Variants in PPRC1 observed in about 807,000 individuals in gnomAD.
PPRC1 encodes the protein PPARG related coactivator 1, also known as peroxisome proliferator-activated receptor gamma coactivator-related protein 1.
In PPRC1, 23 loss-of-function variants were observed where a neutral mutation model predicts 132.5. The ratio of observed to expected loss-of-function variants is 0.17; its 90% CI spans 0.12 to 0.25. The LOEUF is 0.25. Among genes scored for constraint, PPRC1 ranks in the 10% least tolerant of loss-of-function variants. The probability of loss-of-function intolerance (pLI) is 1.00; values close to 1 mark genes in which losing one functional copy is unlikely to be tolerated. For missense variants in PPRC1, 2,006 were observed against 2,089.1 expected, an observed-to-expected ratio of 0.96 and a Z score of 0.78; for synonymous variants, 872 against 833.5, an observed-to-expected ratio of 1.05 and a Z score of -0.80.
At chr10:102,125,977 C>T in the PPRC1 span, among the ~76,000 whole-genome samples, 1 of 152,020 alleles carries the variant, frequency 6.6e-6, no homozygotes, top group East Asian at 1.9e-4. Flanking sequence ...ATTCTCCTGC[C>T]TCAGCCTCCC....
chr10:102,139,516 T>G lies in PPRC1; in HGVS notation c.1008T>G (p.Asp336Glu). Reference protein sequence around the residue: ...LEDELQEQPDDLTLPEGCVVL... With the variant: ...LEDELQEQPDELTLPEGCVVL... ...ATGAGCTTCAGGAGCAGCCAGATGA[T>G]TTGACACTGCCTGAGGGCTGCGTAG... Residue 336 changes from aspartate to glutamate, a missense_variant, in exon 5 of 14, where the codon GAT becomes GAG. This residue lies in a region of PPRC1 where 1,914 missense variants were observed against 1,917.2 expected (regional missense o/e 1.00). Transcript: ENST00000278070. 6.2e-7 allele frequency: 1 copy of G among 1,613,914 alleles called. No homozygotes were observed. Among genetic ancestry groups the G allele is most frequent in the Non-Finnish European group, 8.5e-7 (1 of 1,179,918 alleles).
rs376859833 is a variant in PPRC1, at chr10:102,144,348, G to A, written c.3608+41G>A. On this transcript the variant is annotated intron_variant, in intron 7 of 13. Transcript: ENST00000278070. ...TGAGCGAGTTACCCTACAGCTGTTA[G>A]TCAGCAGCCGGCTGACACTCCAGGA... 26 of 1,588,842 alleles carry A rather than the reference G, an allele frequency of 1.6e-5. No individual in the cohort carries two copies. In the African/African-American group the frequency reaches 3.5e-4, roughly 21 times the overall value.
chr10:102,128,960 C>A (rs1298952028), upstream of PPRC1, among the ~76,000 whole-genome samples: 3 of 109,584 alleles, frequency 2.7e-5, no homozygotes, highest in Non-Finnish European at 5.4e-5. Context: ...GACGGAGTCT[C>A]GCTCTGTCAC....
At chr10:102,146,025 G>A (rs1015957762) in intron 8 of PPRC1, among the ~76,000 whole-genome samples, 1 of 152,194 alleles carries the variant, frequency 6.6e-6, no homozygotes, top group Non-Finnish European at 1.5e-5. Flanking sequence ...GGAAGACAGA[G>A]CATCTTGAAT....
rs2069348181 is a variant in PPRC1, at chr10:102,148,204, C to T, written c.4401-168C>T. ...GTACACCTAAAGTTCCATGAAGGGC[C>T]TCAGTTTGTTCATCTCTGAATGAAA... is the stretch of plus-strand genomic sequence containing the variant. On this transcript the variant is annotated intron_variant, in intron 9 of 13. Coordinates refer to ENST00000278070, the MANE Select transcript of PPRC1 (RefSeq NM_015062.5). This position sits in a 1 kb window ranked among gnomAD's most constrained non-coding sequence, Gnocchi z 4.2. Among the ~76,000 whole-genome samples, 1 of 152,174 alleles carries T rather than the reference C, an allele frequency of 6.6e-6. No individual in the cohort carries two copies. The highest frequency in any genetic ancestry group is 6.5e-5 in the Admixed American group (1 of 15,278).
At chr10:102,126,722 A>C in the PPRC1 span, among the ~76,000 whole-genome samples, 2 of 151,834 alleles carry the variant, frequency 1.3e-5, no homozygotes, top group African/African-American at 4.8e-5. Flanking sequence ...GCCTCCCAAA[A>C]TGCTAGGATT....
chr10:102,133,324 G>A, intron 1 of PPRC1, 103 bp downstream of exon 1: 3 of 1,062,880 alleles, frequency 2.8e-6, no homozygotes, highest in Non-Finnish European at 3.6e-6. Context: ...GAGAGTCGAT[G>A]CCGGGTGGCC....
the PPRC1 span, among the ~76,000 whole-genome samples, chr10:102,126,246 G>A: frequency 6.6e-6 from 1 of 152,140 alleles, no homozygotes; most frequent in Non-Finnish European, 1.5e-5. Flanking sequence ...GGAGGCTGAA[G>A]AGGGAGGATC....
upstream of PPRC1, among the ~76,000 whole-genome samples, chr10:102,128,225 C>G (rs571462392): frequency 6.6e-6 from 1 of 151,902 alleles, no homozygotes; most frequent in East Asian, 1.9e-4. Flanking sequence ...CTGCAACCTC[C>G]GACTCCCTGG....
the PPRC1 span, among the ~76,000 whole-genome samples, chr10:102,123,701 T>G: frequency 6.6e-6 from 1 of 152,012 alleles, no homozygotes; most frequent in Admixed American, 6.6e-5. Context: ...TGGCTAATTT[T>G]TGTATTTTTT....
chr10:102,129,102 T>C (rs2068504756), upstream of PPRC1, among the ~76,000 whole-genome samples: 1 of 148,820 alleles, frequency 6.7e-6, no homozygotes, highest in South Asian at 2.1e-4. Context: ...GCTAATTTTT[T>C]TGTGTTTTTT....
At position 102,146,826 on chromosome 10, in the gene PPRC1, C is replaced by A; in HGVS notation, c.3834C>A (p.Arg1278=). 6 of 1,614,112 alleles carry A rather than the reference C, an allele frequency of 3.7e-6. No homozygotes were observed. Among genetic ancestry groups the A allele is most frequent in the Non-Finnish European group, 5.1e-6 (6 of 1,180,008 alleles). The change falls in exon 9 of 14, where the codon CGC becomes CGA. Residue 1278 remains arginine (R), a synonymous_variant. Transcript: ENST00000278070. ...VTEAKHPAAV[R]LQEGVHGPSR... ...AGGCCAAACATCCAGCTGCAGTTCG[C>A]CTCCAAGAAGGGGTCCATGGCCCTA...
chr10:102,138,588 G>A (rs768863674), intron 2 of PPRC1, 31 bp from the exon 3 acceptor site: 2 of 1,610,834 alleles, frequency 1.2e-6, no homozygotes, highest in African/African-American at 2.7e-5. Context: ...AGGGATGTTG[G>A]TAGGACCTTC....
chr10:102,120,335 TGTGTGCGCGCGG>T, the PPRC1 span: 2 of 983,474 alleles, frequency 2.0e-6, no homozygotes, highest in Non-Finnish European at 2.4e-6. Context: ...GGCCTCTGCG[TGTGTGCGCGCGG>T]GTGTGAGTCC....
At chr10:102,146,630 C>G (rs777953568) in intron 8 of PPRC1, 42 bp from the exon 9 acceptor site, 1 of 1,558,102 alleles carries the variant, frequency 6.4e-7, no homozygotes, top group South Asian at 1.2e-5. Flanking sequence ...AGCGTAGAAT[C>G]GGATCTCATC....
Position 102,139,704 on chromosome 10 carries a change from A to G in PPRC1, c.1196A>G (p.Glu399Gly), listed in dbSNP as rs1274860736. 6.2e-7 allele frequency: 1 copy of G among 1,614,090 alleles called. No homozygotes were observed. The stretch of plus-strand genomic sequence containing the variant: ...ATGCCTACACTGGAGTCAGAGACAG[A>G]GGCTGCTGTGCCCAAGGTAACCCTC... ...LLMPTLESET[E>G]AAVPKVTLCS... is the part of the protein sequence containing the mutation. The change falls in exon 5 of 14, where the codon GAG (glutamate) becomes GGG (glycine). Residue 399 changes from glutamate to glycine, a missense_variant. Physicochemically the swap from Glu to Gly is moderately conservative, Grantham distance 98. This residue lies in a region of PPRC1 where 1,914 missense variants were observed against 1,917.2 expected (regional missense o/e 1.00). Transcript: ENST00000278070.
At chr10:102,147,494 C>A in intron 9 of PPRC1, 102 bp downstream of exon 9, 1 of 1,391,984 alleles carries the variant, frequency 7.2e-7, no homozygotes, top group Non-Finnish European at 9.7e-7. Context: ...TACTTTCAGG[C>A]GCTAAGGCTT....
chr10:102,120,566 A>C, the PPRC1 span: 3 of 198,582 alleles, frequency 1.5e-5, no homozygotes, highest in Non-Finnish European at 2.7e-5. Flanking sequence ...TGTCAAAGTG[A>C]CCCGGGAGAG....
In PPRC1 at chr10:102,148,656, T is replaced by A. The variant is rs764371276; in HGVS notation, c.4579T>A (p.Tyr1527Asn). 6.2e-7 allele frequency: 1 copy of A among 1,614,078 alleles called. No homozygotes were observed. ...RYSSYRSHDH[Y>N]QRQRVLQKER... Reference sequence around the variant, plus strand: ...CAGCTCTTATCGTTCACATGACCATTACCAAAGGCAAAGAGTGCTACAAAA... The same window carrying A: ...CAGCTCTTATCGTTCACATGACCATAACCAAAGGCAAAGAGTGCTACAAAA... Residue 1527 changes from tyrosine to asparagine, a missense_variant, in exon 11 of 14, where the codon TAC (tyrosine) becomes AAC (asparagine). This residue lies in a region of PPRC1 where 1,914 missense variants were observed against 1,917.2 expected (regional missense o/e 1.00). Coordinates refer to ENST00000278070, the MANE Select transcript of PPRC1 (RefSeq NM_015062.5). The surrounding 1 kb of genome is among the most constrained non-coding windows in gnomAD (Gnocchi z 4.2).
Sources: allele counts gnomAD v4.1 joint callset (sites outside exome capture counted in the v4.1 genomes callset), GRCh38; gene constraint gnomAD v4.1.1; regional missense constraint gnomAD v4.1.1; non-coding constraint Gnocchi (gnomAD v3.1); transcripts MANE v1.5; gene names NCBI Gene and HGNC (gene_info 2026-07-23, HGNC 2026-07-21).